Variants in DEPTOR observed in about 807,000 individuals in gnomAD.
DEPTOR encodes DEP domain-containing mTOR-interacting protein.
A neutral mutation model predicts 41.6 loss-of-function variants in DEPTOR; 41 were observed. The ratio of observed to expected loss-of-function variants is 0.98; its 90% confidence interval spans 0.77 to 1.28. The LOEUF (loss-of-function observed/expected upper bound fraction) is 1.28, where lower values mean the gene tolerates loss of function less well. Among genes scored for constraint, DEPTOR ranks in the 50% most tolerant of loss-of-function variants. The pLI, the probability that DEPTOR is intolerant of heterozygous loss-of-function variation, is 0.00. For synonymous variants in DEPTOR, 195 were observed against 192.3 expected, an observed-to-expected ratio of 1.01 and a Z score of -0.12; for missense variants, 514 against 527.9, an observed-to-expected ratio of 0.97 and a Z score of 0.26.
At chr8:119,934,561 G>C (rs1423531761) in intron 3 of DEPTOR, among the ~76,000 whole-genome samples, 1 of 152,184 alleles carries the variant, frequency 6.6e-6, no homozygotes, top group Non-Finnish European at 1.5e-5. Context: ...TGGAGATAAG[G>C]CTGGGACCCA....
chr8:119,988,829 T>G (rs1828862312), intron 4 of DEPTOR, among the ~76,000 whole-genome samples: 1 of 152,122 alleles, frequency 6.6e-6, no homozygotes, highest in Non-Finnish European at 1.5e-5. Context: ...CCAATTCATT[T>G]TATAGATGAA....
chr8:119,922,883 G>A (rs531728478), intron 1 of DEPTOR, among the ~76,000 whole-genome samples: 1 of 152,300 alleles, frequency 6.6e-6, no homozygotes, highest in Admixed American at 6.5e-5. Flanking sequence ...TCTGTGTGGA[G>A]TGGAAATGTA....
chr8:120,047,700 G>C (rs575692159), intron 8 of DEPTOR, among the ~76,000 whole-genome samples: 50 of 133,830 alleles, frequency 3.7e-4, no homozygotes, highest in African/African-American at 1.1e-3. Flanking sequence ...TTAAATGCTG[G>C]TCAATTAAAA....
chr8:119,969,681 A>T (rs138038882), intron 4 of DEPTOR: 2 of 152,268 alleles, frequency 1.3e-5, no homozygotes, highest in East Asian at 3.9e-4. Context: ...CCACCGAAGT[A>T]TGCTTCCCGT....
intron 3 of DEPTOR, among the ~76,000 whole-genome samples, chr8:119,954,884 A>G (rs1316732877): frequency 4.0e-5 from 6 of 149,960 alleles, no homozygotes; most frequent in Non-Finnish European, 8.8e-5. Flanking sequence ...GTTTTGAGAC[A>G]GTCTTGCTCT....
At chr8:120,047,534 A>AT (rs1813169994) in intron 8 of DEPTOR, among the ~76,000 whole-genome samples, 3 of 149,780 alleles carry the variant, frequency 2.0e-5, no homozygotes, top group Middle Eastern at 3.5e-3. Flanking sequence ...CGCCCAGCTA[A>AT]TTTTTTTGTA....
intron 4 of DEPTOR, among the ~76,000 whole-genome samples, chr8:119,992,073 C>T (rs1208684240): frequency 6.6e-6 from 1 of 152,168 alleles, no homozygotes; most frequent in Admixed American, 6.6e-5. Context: ...ATAGGTCTAC[C>T]ATCCATTTAT....
chr8:119,957,102 T>G (rs986140851), intron 3 of DEPTOR, among the ~76,000 whole-genome samples: 1 of 151,632 alleles, frequency 6.6e-6, no homozygotes, highest in Non-Finnish European at 1.5e-5. Flanking sequence ...TCACTGCAAC[T>G]TTGAACTCCT....
At chr8:119,945,584 T>G (rs1828261086) in intron 3 of DEPTOR, among the ~76,000 whole-genome samples, 1 of 152,184 alleles carries the variant, frequency 6.6e-6, no homozygotes, top group African/African-American at 2.4e-5. Context: ...CTCTTCACTT[T>G]CCCACAATTC....
intron 1 of DEPTOR, among the ~76,000 whole-genome samples, chr8:119,880,945 C>G (rs1827289875): frequency 6.6e-6 from 1 of 152,180 alleles, no homozygotes; most frequent in African/African-American, 2.4e-5. Flanking sequence ...ATTAATTTCA[C>G]TTTTGCTCCT....
At chr8:119,886,504 TACACACAGATACAC>T (rs1358950504) in intron 1 of DEPTOR, among the ~76,000 whole-genome samples, 1 of 149,696 alleles carries the variant, frequency 6.7e-6, no homozygotes, top group African/African-American at 2.5e-5. Context: ...CACACACATA[TACACACAGATACAC>T]ACACACAGAT....
chr8:120,021,342 G>A (rs976503284), intron 8 of DEPTOR, among the ~76,000 whole-genome samples: 11 of 152,188 alleles, frequency 7.2e-5, no homozygotes, highest in Non-Finnish European at 1.2e-4. Flanking sequence ...GGCAGAGGTT[G>A]CAGTGAGCTG....
intron 1 of DEPTOR, among the ~76,000 whole-genome samples, chr8:119,899,855 G>C (rs1221223481): frequency 6.6e-6 from 1 of 152,108 alleles, no homozygotes; most frequent in Non-Finnish European, 1.5e-5. Context: ...GTTTTTCTGA[G>C]CTTGGTTTTT....
intron 8 of DEPTOR, among the ~76,000 whole-genome samples, chr8:120,039,761 AT>A (rs2130194842): frequency 6.6e-6 from 1 of 152,258 alleles, no homozygotes; most frequent in South Asian, 2.1e-4. Context: ...CATTATTATT[AT>A]TAGTTTTGAA....
rs1827859438 is a variant in DEPTOR at position 119,919,305 on chromosome 8, G to C, written c.123-9095G>C. On this transcript the variant is annotated intron_variant, in intron 1 of 8. Coordinates refer to ENST00000286234, the MANE Select transcript of DEPTOR (RefSeq NM_022783.4). ...CCTGAAACATATTTTTTGCACAGTAGGTAGAAACATATAGTGACCTCCTAT... is the reference window on the plus strand; with the variant it reads ...CCTGAAACATATTTTTTGCACAGTACGTAGAAACATATAGTGACCTCCTAT... Among the ~76,000 whole-genome samples, 2 of 152,062 alleles carry C rather than the reference G, an allele frequency of 1.3e-5. 1 individual carries two copies. Among genetic ancestry groups the C allele is most frequent in the South Asian group, 4.1e-4 (2 of 4,820 alleles).
At chr8:120,038,602 A>G (rs1416382598) in intron 8 of DEPTOR, among the ~76,000 whole-genome samples, 1 of 144,864 alleles carries the variant, frequency 6.9e-6, no homozygotes, top group African/African-American at 2.5e-5. Context: ...CAAAAAAAAA[A>G]AAAAAAAGAA....
At chr8:119,931,072 C>T (rs894060672) in intron 3 of DEPTOR, among the ~76,000 whole-genome samples, 1 of 151,962 alleles carries the variant, frequency 6.6e-6, no homozygotes, top group Non-Finnish European at 1.5e-5. Flanking sequence ...ATTAGCCCAC[C>T]ATGGTGGTGA....
chr8:119,915,945 T>TAAAAAAAAA (rs201870960), intron 1 of DEPTOR, among the ~76,000 whole-genome samples: 1 of 126,678 alleles, frequency 7.9e-6, no homozygotes, highest in Admixed American at 9.1e-5. Flanking sequence ...CTTCATTTGT[T>TAAAAAAAAA]AAAAAAAAAA....
chr8:119,899,821 G>A (rs1347280134), intron 1 of DEPTOR, among the ~76,000 whole-genome samples: 2 of 152,104 alleles, frequency 1.3e-5, no homozygotes, highest in Non-Finnish European at 2.9e-5. Context: ...AGACTCCTGA[G>A]CATAGTCACA....
Sources: allele counts gnomAD v4.1 joint callset (sites outside exome capture counted in the v4.1 genomes callset), GRCh38; gene constraint gnomAD v4.1.1; transcripts MANE v1.5; gene names NCBI Gene and HGNC (gene_info 2026-07-23, HGNC 2026-07-21).